Variants in DYRK2 observed in about 807,000 individuals in gnomAD.
DYRK2 encodes the protein dual specificity tyrosine-phosphorylation-regulated kinase 2.
A neutral mutation model predicts 41.6 loss-of-function variants in DYRK2; 12 were observed. That is an observed-to-expected ratio of 0.29 (90% confidence interval 0.18 to 0.47). The LOEUF is 0.47. DYRK2 is among the 20% of genes least tolerant of loss of function. DYRK2 has a pLI of 1.00. For missense variants in DYRK2, 678 were observed against 798.4 expected (o/e 0.85, Z 1.82); for synonymous variants, 322 against 315.7 (o/e 1.02, Z -0.21).
chr12:67,657,755 A>G lies in DYRK2; in HGVS notation c.848A>G (p.Asn283Ser), dbSNP rs1242736782. 6.2e-7 allele frequency: 1 copy of G among 1,614,200 alleles called. No individual in the cohort carries two copies. The highest frequency in any genetic ancestry group is 1.7e-5 in the Admixed American group (1 of 60,020). Residue 283 changes from asparagine to serine, a missense_variant, in exon 3 of 3, where the codon AAT becomes AGT. Physicochemically the swap from Asn to Ser is conservative, Grantham distance 46. Around this residue, in one of 2 missense-constraint regions of DYRK2, gnomAD observed 393 missense variants for 519.1 expected, o/e 0.76. Transcript: ENST00000344096. The surrounding 1 kb of genome is among the most constrained non-coding windows in gnomAD (Gnocchi z 4.8). ...LRKQDKDNTM[N>S]VIHMLENFTF... The stretch of plus-strand genomic sequence containing the variant: ...AAGCAGGACAAGGATAACACAATGA[A>G]TGTCATCCATATGCTGGAGAATTTC...
rs757410743 is a variant in DYRK2, at chr12:67,658,762, C to G, written c.*49C>G. On this transcript the variant is annotated 3_prime_UTR_variant, in exon 3 of 3. Coordinates refer to ENST00000344096, the MANE Select transcript of DYRK2 (RefSeq NM_006482.3). The surrounding 1 kb of genome is among the most constrained non-coding windows in gnomAD (Gnocchi z 4.3). ...ACCTGAAAGATACGACATTGCTGAG[C>G]CTTACTGGGTTGAAAAGGAGTAGCT... 1.9e-5 allele frequency: 29 copies of G among 1,542,392 alleles called. No homozygotes were observed. Among genetic ancestry groups the G allele is most frequent in the Non-Finnish European group, 2.5e-5 (29 of 1,145,332 alleles).
At position 67,649,062 on chromosome 12, in the gene DYRK2, G is replaced by C. The variant is rs991490293; in HGVS notation, c.-72G>C. ...GGGGCGGCCGGGAGGCGGCGGCGGC[G>C]GCCGCCAGAAGTAGCAGCAGGACCG... On this transcript the variant is annotated 5_prime_UTR_variant, in exon 1 of 3. Transcript: ENST00000344096. 1.6e-5 allele frequency: 21 copies of C among 1,317,690 alleles called. No individual in the cohort carries two copies. In the East Asian group the frequency reaches 7.0e-4, roughly 44 times the overall value. 81.6% of individuals were successfully genotyped at this position (1,317,690 alleles called of 1,614,324 possible). A position where few individuals can be genotyped will look rare whatever the true frequency, so the allele number is the denominator to read the frequency against.
intron 2 of DYRK2, among the ~76,000 whole-genome samples, chr12:67,654,595 G>C (rs976649938): frequency 6.6e-6 from 1 of 152,164 alleles, no homozygotes; most frequent in Non-Finnish European, 1.5e-5. Context: ...CATCTTCTTG[G>C]TGACTTGGGA....
chr12:67,650,062 C>G (rs1461335332), intron 2 of DYRK2, 117 bp downstream of exon 2: 1 of 1,101,812 alleles, frequency 9.1e-7, no homozygotes, highest in African/African-American at 1.6e-5. Flanking sequence ...ACAAGCAGCC[C>G]CACGCCTCGG....
chr12:67,651,455 C>A (rs963573646), intron 2 of DYRK2: 6 of 380,936 alleles, frequency 1.6e-5, no homozygotes, highest in Admixed American at 7.0e-5. Flanking sequence ...AATTGAAATA[C>A]ATGTAATGAA....
rs1872645306 is a variant in DYRK2, at chr12:67,662,274, T to TG, written c.*3562dup. The TG allele has an allele frequency of 6.0e-6, 1 of 166,994 alleles. No homozygotes were observed. Among genetic ancestry groups the TG allele is most frequent in the South Asian group, 2.1e-4 (1 of 4,822 alleles). 10.3% of individuals were successfully genotyped at this position (166,994 alleles called of 1,614,324 possible). A position where few individuals can be genotyped will look rare whatever the true frequency, so the allele number is the denominator to read the frequency against. ...TTGTGAACTCTGTTTCTTAGGGGCTTGTACATCTCTCTGCTATGGACATAC... is the reference window on the plus strand; with the variant it reads ...TTGTGAACTCTGTTTCTTAGGGGCTTGGTACATCTCTCTGCTATGGACATAC... On this transcript the variant is annotated 3_prime_UTR_variant, in exon 3 of 3. Transcript: ENST00000344096.
rs1872589909 is a variant in DYRK2, at chr12:67,660,362, A to G, written c.*1649A>G. ...TAATAATCCTACAGTTTATCTTAAGAAAAAAAAAAAGGTTTGAAAAAAACA... is the reference window on the plus strand; with the variant it reads ...TAATAATCCTACAGTTTATCTTAAGGAAAAAAAAAAGGTTTGAAAAAAACA... On this transcript the variant is annotated 3_prime_UTR_variant, in exon 3 of 3. Coordinates refer to ENST00000344096, the MANE Select transcript of DYRK2 (RefSeq NM_006482.3). The G allele has an allele frequency of 6.2e-6, 1 of 160,938 alleles. No homozygotes were observed. Among genetic ancestry groups the G allele is most frequent in the African/African-American group, 2.5e-5 (1 of 40,326 alleles). 10.0% of individuals were successfully genotyped at this position (160,938 alleles called of 1,614,324 possible). A position where few individuals can be genotyped will look rare whatever the true frequency, so the allele number is the denominator to read the frequency against.
chr12:67,650,922 A>G (rs1023545776), intron 2 of DYRK2, among the ~76,000 whole-genome samples: 4 of 152,180 alleles, frequency 2.6e-5, no homozygotes, highest in Admixed American at 1.3e-4. Context: ...TCTTGAAGAA[A>G]AGGCCATCTC....
At chr12:67,656,549 C>T (rs977687391) in intron 2 of DYRK2, among the ~76,000 whole-genome samples, 2 of 152,068 alleles carry the variant, frequency 1.3e-5, no homozygotes, top group Non-Finnish European at 2.9e-5. Flanking sequence ...TTGTTTTTGT[C>T]ACTGGATCAT....
rs527416405 is a variant in DYRK2 at position 67,663,653 on chromosome 12, T to G, written c.*4940T>G. The G allele has an allele frequency of 8.7e-4, 132 of 152,314 alleles. 1 individual carries two copies. Among genetic ancestry groups the G allele is most frequent in the African/African-American group, 3.1e-3 (130 of 41,588 alleles). 9.4% of individuals were successfully genotyped at this position (152,314 alleles called of 1,614,324 possible). On this transcript the variant is annotated 3_prime_UTR_variant, in exon 3 of 3. Transcript: ENST00000344096. Reference sequence around the variant, plus strand: ...TGTAAGTGTTAAGAGATGTGCATTATGTACAAAATTGAAAATTGGTGCTAA... The same window carrying G: ...TGTAAGTGTTAAGAGATGTGCATTAGGTACAAAATTGAAAATTGGTGCTAA...
At chr12:67,651,620 T>C (rs1340391936) in intron 2 of DYRK2, 3 of 456,066 alleles carry the variant, frequency 6.6e-6, no homozygotes, top group Non-Finnish European at 1.3e-5. Flanking sequence ...GTGTGTAAAC[T>C]TCGGTATGCT....
intron 2 of DYRK2, among the ~76,000 whole-genome samples, chr12:67,656,631 GCT>G (rs1045681644): frequency 1.3e-5 from 2 of 152,168 alleles, no homozygotes; most frequent in Non-Finnish European, 2.9e-5. Flanking sequence ...TCAGGATAGA[GCT>G]CTAGGTATTA....
rs1225976200 is a variant in DYRK2, at chr12:67,652,705, T to C, written c.198+2760T>C. 2.0e-5 allele frequency: 3 copies of C among 152,260 alleles called. No individual in the cohort carries two copies. In the South Asian group the frequency reaches 6.2e-4, roughly 32 times the overall value. The allele number at this position is 152,260 out of a possible 1,614,324, so 9.4% of individuals were successfully genotyped here. ...GAAAACTACCAAACTGGTTAGACTA[T>C]TGTTTTTATATAATATTTAATACCA... On this transcript the variant is annotated intron_variant, in intron 2 of 2. Transcript: ENST00000344096.
intron 2 of DYRK2, among the ~76,000 whole-genome samples, chr12:67,650,442 C>T (rs889799192): frequency 3.9e-5 from 6 of 152,190 alleles, no homozygotes. Context: ...AATTGTCCCC[C>T]GCGTGTGTAA....
rs200090077 is a variant in DYRK2 at position 67,649,166 on chromosome 12, C to T, written c.33C>T (p.Pro11=). 972 of 1,513,424 alleles carry T rather than the reference C, an allele frequency of 6.4e-4. 7 individuals carry two copies. The African/African-American group carries it at 0.012, about 19-fold the overall frequency. 93.7% of individuals were successfully genotyped at this position (1,513,424 alleles called of 1,614,324 possible). The part of the protein sequence containing the change: MLTRKPSAAA[P]AAYPTGRGGD... ...CCAGGAAACCTTCGGCCGCCGCTCC[C>T]GCCGCCTACCCGACCGGTAAGGAGG... Residue 11 remains proline, a synonymous_variant, in exon 1 of 3, where the codon CCC becomes CCT. Coordinates refer to ENST00000344096, the MANE Select transcript of DYRK2 (RefSeq NM_006482.3).
rs1389327643 is a variant in DYRK2, at chr12:67,657,244, A to G, written c.337A>G (p.Thr113Ala). 3.1e-6 allele frequency: 5 copies of G among 1,614,026 alleles called. No individual in the cohort carries two copies. Among genetic ancestry groups the G allele is most frequent in the East Asian group, 2.2e-5 (1 of 44,890 alleles). Residue 113 changes from threonine to alanine, a missense_variant, in exon 3 of 3, where the codon ACA becomes GCA. Physicochemically the swap from Thr to Ala is moderately conservative, Grantham distance 58. Around this residue, in one of 2 missense-constraint regions of DYRK2, gnomAD observed 285 missense variants for 279.2 expected, o/e 1.02. Coordinates refer to ENST00000344096, the MANE Select transcript of DYRK2 (RefSeq NM_006482.3). The surrounding 1 kb of genome is among the most constrained non-coding windows in gnomAD (Gnocchi z 4.8). ...VLTTQPNGLT[T>A]VGKTGLPVVP... ...CACGACACAACCAAATGGGCTTACA[A>G]CAGTGGGCAAAACGGGCTTGCCAGT...
At chr12:67,649,620 C>G in intron 1 of DYRK2, 177 bp from the exon 2 acceptor site, 8 of 739,524 alleles carry the variant, frequency 1.1e-5, no homozygotes, top group Non-Finnish European at 1.5e-5. Context: ...TGCCCGCGCC[C>G]CGCCCGTGGG....
At chr12:67,651,232 G>C (rs1872313107) in intron 2 of DYRK2, among the ~76,000 whole-genome samples, 1 of 152,138 alleles carries the variant, frequency 6.6e-6, no homozygotes, top group Non-Finnish European at 1.5e-5. Flanking sequence ...AAGTGTTCTT[G>C]TCACAGTGAT....
chr12:67,655,333 A>C (rs1182523059), intron 2 of DYRK2, among the ~76,000 whole-genome samples: 1 of 152,210 alleles, frequency 6.6e-6, no homozygotes, highest in Non-Finnish European at 1.5e-5. Context: ...ATTTTGATTC[A>C]GGCCCCTTTA....
Sources: gnomAD v4.1 joint callset for allele counts (sites outside exome capture counted in the v4.1 genomes callset) on GRCh38, gnomAD v4.1.1 for gene constraint, gnomAD v4.1.1 regional missense constraint, Gnocchi (gnomAD v3.1) non-coding constraint, MANE v1.5 for transcripts, NCBI Gene and HGNC (gene_info 2026-07-23, HGNC 2026-07-21) for gene names.